SMIM31: variants seen among roughly 807,000 people sequenced by gnomAD.
SMIM31 encodes small integral membrane protein 31.
At chr4:164,791,069 CAAG>C (rs565162843) in intron 2 of SMIM31, among the ~76,000 whole-genome samples, 1 of 152,094 alleles carries the variant, frequency 6.6e-6, no homozygotes, top group African/African-American at 2.4e-5. Flanking sequence ...GAAAAATATC[CAAG>C]AATAGTCACT....
chr4:164,785,501 T>C (rs1733015657), intron 2 of SMIM31, among the ~76,000 whole-genome samples: 1 of 152,234 alleles, frequency 6.6e-6, no homozygotes, highest in South Asian at 2.1e-4. Flanking sequence ...GTATGGAAAC[T>C]ATAAAATAGT....
chr4:164,764,545 G>T (rs1416969721), intron 1 of SMIM31, among the ~76,000 whole-genome samples: 2 of 144,600 alleles, frequency 1.4e-5, no homozygotes, highest in African/African-American at 5.1e-5. Flanking sequence ...ACAGCCTGGC[G>T]ACAGAGCGAG....
At chr4:164,770,786 A>T (rs951904525) in intron 2 of SMIM31, among the ~76,000 whole-genome samples, 27 of 151,482 alleles carry the variant, frequency 1.8e-4, no homozygotes, top group Non-Finnish European at 2.8e-4. Context: ...CATTTAAAAA[A>T]ATTCTGTAGA....
At chr4:164,764,945 C>T (rs1732701441) in intron 1 of SMIM31, among the ~76,000 whole-genome samples, 1 of 152,126 alleles carries the variant, frequency 6.6e-6, no homozygotes, top group Non-Finnish European at 1.5e-5. Flanking sequence ...AAACAGATTG[C>T]CTCCAATGAC....
chr4:164,782,982 G>C lies in SMIM31; in HGVS notation c.112+12427G>C, dbSNP rs112303061. Among the ~76,000 whole-genome samples, 56 of 152,180 alleles carry C rather than the reference G, an allele frequency of 3.7e-4. 1 individual carries two copies. Among genetic ancestry groups the C allele is most frequent in the African/African-American group, 1.3e-3 (55 of 41,510 alleles). ...CACATGTAATCCCAGCACGTTGGGT[G>C]GCCGAGGTGGGCGGATCACGAGGTC... On this transcript the variant is annotated intron_variant, in intron 2 of 2. Coordinates refer to ENST00000507311, the MANE Select transcript of SMIM31 (RefSeq NM_001352885.1).
At chr4:164,782,666 A>T (rs1732970092) in intron 2 of SMIM31, among the ~76,000 whole-genome samples, 1 of 151,514 alleles carries the variant, frequency 6.6e-6, no homozygotes, top group African/African-American at 2.4e-5. Context: ...CATAGGAGAG[A>T]TTCCTAAATT....
chr4:164,788,478 C>CTTTTATTTTTTTTTTTTTTTTTTT (rs1733056085), intron 2 of SMIM31, among the ~76,000 whole-genome samples: 1 of 58,162 alleles, frequency 1.7e-5, no homozygotes, highest in Admixed American at 2.1e-4. Flanking sequence ...TCTAATTTTT[C>CTTTTATTTTTTTTTTTTTTTTTTT]TTTTTTTTTT....
chr4:164,792,741 C>G lies in SMIM31; in HGVS notation c.113-8350C>G, dbSNP rs563963143. Among the ~76,000 whole-genome samples the G allele has an allele frequency of 2.0e-5, 3 of 152,188 alleles. No homozygotes were observed. The South Asian group carries it at 6.2e-4, about 32-fold the overall frequency. On this transcript the variant is annotated intron_variant, in intron 2 of 2. Coordinates refer to ENST00000507311, the MANE Select transcript of SMIM31 (RefSeq NM_001352885.1). The stretch of plus-strand genomic sequence containing the variant: ...ATTCACCAAAGTTGCTACCAAAATT[C>G]AATAACTTTTTTTGCAGAAATAAAA...
intron 1 of SMIM31, among the ~76,000 whole-genome samples, chr4:164,760,858 A>G (rs10006449): frequency 0.47 from 71,358 of 151,870 alleles, 17,598 homozygotes; most frequent in Admixed American, 0.55. Flanking sequence ...CTGAACAACT[A>G]GAAACATGGA....
At chr4:164,768,796 C>T (rs141671249) in intron 1 of SMIM31, among the ~76,000 whole-genome samples, 5 of 152,246 alleles carry the variant, frequency 3.3e-5, no homozygotes, top group Admixed American at 2.0e-4. Context: ...GTAAAAATAA[C>T]GGTATTCTCT....
intron 1 of SMIM31, among the ~76,000 whole-genome samples, chr4:164,758,958 G>T (rs1363934204): frequency 2.0e-5 from 3 of 150,882 alleles, no homozygotes; most frequent in African/African-American, 4.9e-5. Context: ...ATGAGCCACC[G>T]CGCCCTGCCT....
At chr4:164,784,910 T>TTTTTA (rs57386422) in intron 2 of SMIM31, among the ~76,000 whole-genome samples, 6 of 151,532 alleles carry the variant, frequency 4.0e-5, no homozygotes, top group African/African-American at 7.3e-5. Flanking sequence ...TTTTTTTTTT[T>TTTTTA]AATTCCGTGA....
At chr4:164,794,287 G>A (rs552059592) in intron 2 of SMIM31, among the ~76,000 whole-genome samples, 1 of 152,084 alleles carries the variant, frequency 6.6e-6, no homozygotes, top group Non-Finnish European at 1.5e-5. Flanking sequence ...GCTGAAGTGG[G>A]AGGATCACTT....
At position 164,802,554 on chromosome 4, in the gene SMIM31, C is replaced by T. The variant is rs1483748383; in HGVS notation, c.*1360C>T. ...CCTGGCCTGTTATTTATAACTCTTA[C>T]AAACATTAAACCATCACAATCAATG... On this transcript the variant is annotated 3_prime_UTR_variant, in exon 3 of 3. Transcript: ENST00000507311. 1 of 152,164 alleles carries T rather than the reference C, an allele frequency of 6.6e-6. No homozygotes were observed. The highest frequency in any genetic ancestry group is 1.9e-4 in the East Asian group (1 of 5,184). The allele number at this position is 152,164 out of a possible 1,614,324, so 9.4% of individuals were successfully genotyped here. A position where few individuals can be genotyped will look rare whatever the true frequency, so the allele number is the denominator to read the frequency against.
chr4:164,765,423 G>A (rs1027544601), intron 1 of SMIM31, among the ~76,000 whole-genome samples: 18 of 152,152 alleles, frequency 1.2e-4, no homozygotes, highest in African/African-American at 3.9e-4. Flanking sequence ...ACTAATGAGC[G>A]TTGTTGGCAT....
intron 2 of SMIM31, among the ~76,000 whole-genome samples, chr4:164,783,333 G>A (rs1464454796): frequency 1.3e-5 from 2 of 151,474 alleles, no homozygotes; most frequent in African/African-American, 2.4e-5. Context: ...AGACCAGCCT[G>A]GCCAACATGG....
intron 2 of SMIM31, among the ~76,000 whole-genome samples, chr4:164,777,764 C>T (rs1382815428): frequency 1.3e-5 from 2 of 152,320 alleles, no homozygotes; most frequent in South Asian, 2.1e-4. Flanking sequence ...TTGGTGACTT[C>T]GTCCATGATG....
At position 164,802,559 on chromosome 4, in the gene SMIM31, A is replaced by G. The variant is rs1187824474; in HGVS notation, c.*1365A>G. ...CCTGTTATTTATAACTCTTACAAAC[A>G]TTAAACCATCACAATCAATGCTGGC... is the stretch of plus-strand genomic sequence containing the variant. On this transcript the variant is annotated 3_prime_UTR_variant, in exon 3 of 3. Transcript: ENST00000507311. 6.6e-6 allele frequency: 1 copy of G among 152,228 alleles called. No homozygotes were observed. Among genetic ancestry groups the G allele is most frequent in the Non-Finnish European group, 1.5e-5 (1 of 68,056 alleles). 9.4% of individuals were successfully genotyped at this position (152,228 alleles called of 1,614,324 possible).
At chr4:164,768,157 G>A (rs1009433575) in intron 1 of SMIM31, among the ~76,000 whole-genome samples, 3 of 151,388 alleles carry the variant, frequency 2.0e-5, no homozygotes, top group African/African-American at 7.3e-5. Context: ...GATTGCTTGA[G>A]CCCAAAAGGC....
Sources: gnomAD v4.1 joint callset for allele counts (sites outside exome capture counted in the v4.1 genomes callset) on GRCh38, gnomAD v4.1.1 for gene constraint, MANE v1.5 for transcripts, NCBI Gene and HGNC (gene_info 2026-07-23, HGNC 2026-07-21) for gene names.